The following MERTK variants were observed in gnomAD, a reference collection of about 807,000 sequenced individuals.
The protein encoded by MERTK is tyrosine-protein kinase Mer.
Under a neutral mutation model 99.3 loss-of-function variants are expected in MERTK, and 69 were observed. The ratio of observed to expected loss-of-function variants is 0.70; its 90% CI spans 0.57 to 0.85. MERTK has a LOEUF of 0.85. MERTK is among the 40% of genes least tolerant of loss of function. MERTK has a pLI of 0.00. For missense variants in MERTK, 1,125 were observed against 1,249.4 expected, an observed-to-expected ratio of 0.90 and a Z score of 1.50; for synonymous variants, 426 against 467.6, an observed-to-expected ratio of 0.91 and a Z score of 1.15.
chr2:111,904,439 C>T lies in MERTK; in HGVS notation c.61+5643C>T, dbSNP rs552942378. 2.2e-3 allele frequency among the ~76,000 whole-genome samples: 336 copies of T among 150,610 alleles called. 3 individuals carry two copies. The highest frequency in any genetic ancestry group is 7.6e-3 in the African/African-American group (310 of 40,994). On this transcript the variant is annotated intron_variant, in intron 1 of 18. Transcript: ENST00000295408. ...CGCCCAGGCTGGAGTGCATGTGGCG[C>T]GATCTCGGCTCACTGCAACCTCCGC...
chr2:112,019,962 C>G (rs971231525), intron 16 of MERTK, among the ~76,000 whole-genome samples: 8 of 152,256 alleles, frequency 5.3e-5, no homozygotes, highest in Middle Eastern at 3.2e-3. Context: ...CCTTTCACAG[C>G]AGACAATGGC....
rs567146456 is a variant in MERTK, at chr2:111,922,338, G to A, written c.62-6782G>A. ...TCACCAAGCTTCAAGAAAATCAAAG[G>A]AGCTCATGTTAGGAAAGGCTGGTGG... On this transcript the variant is annotated intron_variant, in intron 1 of 18. Transcript: ENST00000295408. Among the ~76,000 whole-genome samples, 38 of 152,344 alleles carry A rather than the reference G, an allele frequency of 2.5e-4. 2 individuals carry two copies. Among genetic ancestry groups the A allele is most frequent in the African/African-American group, 9.1e-4 (38 of 41,578 alleles).
chr2:111,969,337 G>A (rs1290170372), intron 6 of MERTK, among the ~76,000 whole-genome samples: 7 of 152,138 alleles, frequency 4.6e-5, no homozygotes, highest in South Asian at 2.1e-4. Context: ...CAGCTCTTCC[G>A]TCTCAGGAGG....
At position 112,028,581 on chromosome 2, in the gene MERTK, G is replaced by T; in HGVS notation, c.2717G>T (p.Cys906Phe). 1 of 1,614,138 alleles carries T rather than the reference G, an allele frequency of 6.2e-7. No homozygotes were observed. The highest frequency in any genetic ancestry group is 8.5e-7 in the Non-Finnish European group (1 of 1,180,018). ...NIDPDSIIAS[C>F]TPRAAISVVT... ...GACCCTGACTCTATAATTGCCTCCT[G>T]CACTCCCCGCGCTGCCATCAGTGTG... Residue 906 changes from cysteine (C) to phenylalanine (F), a missense_variant, in exon 19 of 19, where the codon TGC becomes TTC. Physicochemically the swap from Cys to Phe is radical, Grantham distance 205. Coordinates refer to ENST00000295408, the MANE Select transcript of MERTK (RefSeq NM_006343.3).
At chr2:111,946,779 A>C (rs998015367) in intron 3 of MERTK, among the ~76,000 whole-genome samples, 4 of 152,228 alleles carry the variant, frequency 2.6e-5, no homozygotes, top group Admixed American at 1.3e-4. Flanking sequence ...AGTTTGAGCA[A>C]CACCTGATGT....
At chr2:112,009,142 T>A (rs1308120375) in intron 14 of MERTK, among the ~76,000 whole-genome samples, 4 of 152,250 alleles carry the variant, frequency 2.6e-5, no homozygotes, top group Non-Finnish European at 5.9e-5. Flanking sequence ...ATCCTGTGAC[T>A]GCATACATGC....
At chr2:111,997,575 C>A in intron 10 of MERTK, 99 bp downstream of exon 10, 1 of 1,394,992 alleles carries the variant, frequency 7.2e-7, no homozygotes, top group Non-Finnish European at 1.0e-6. Context: ...TTACATTGCT[C>A]CCAGATGGCT....
intron 18 of MERTK, 91 bp from the exon 19 acceptor site, chr2:112,028,260 T>C: frequency 7.4e-7 from 1 of 1,355,900 alleles, no homozygotes; most frequent in Non-Finnish European, 1.0e-6. Flanking sequence ...CTGATTAAAA[T>C]GTGATAAAGA....
chr2:111,975,355 C>T lies in MERTK; in HGVS notation c.1027C>T (p.Leu343=), dbSNP rs1676225971. The part of the protein sequence containing the change: ...MIFNTSALPH[L]YQIKQLQALA... ...TTTTAACACCTCTGCCTTACCACAT[C>T]TGTACCAAATCAAGCAGCTGCAAGC... The change falls in exon 7 of 19, where the codon CTG becomes TTG. Residue 343 remains leucine (L), a synonymous_variant. Transcript: ENST00000295408. 1 of 1,614,210 alleles carries T rather than the reference C, an allele frequency of 6.2e-7. No individual in the cohort carries two copies. The highest frequency in any genetic ancestry group is 8.5e-7 in the Non-Finnish European group (1 of 1,180,024).
chr2:111,974,812 G>C (rs377065707), intron 6 of MERTK, among the ~76,000 whole-genome samples: 1 of 114,492 alleles, frequency 8.7e-6, no homozygotes, highest in African/African-American at 3.0e-5. Context: ...GAAAAGAAAA[G>C]AAAAAGAAAG....
At chr2:111,992,579 C>T (rs569835215) in intron 8 of MERTK, among the ~76,000 whole-genome samples, 18 of 151,910 alleles carry the variant, frequency 1.2e-4, no homozygotes, top group Non-Finnish European at 1.9e-4. Context: ...GGTGAAACCC[C>T]GTCTCTACTG....
At chr2:111,919,345 A>G (rs1313472982) in intron 1 of MERTK, among the ~76,000 whole-genome samples, 2 of 145,744 alleles carry the variant, frequency 1.4e-5, no homozygotes, top group Non-Finnish European at 3.0e-5. Context: ...CATTAGAATC[A>G]TAAGAGGAGA....
At chr2:111,937,377 C>T (rs1265044461) in intron 2 of MERTK, among the ~76,000 whole-genome samples, 1 of 152,002 alleles carries the variant, frequency 6.6e-6, no homozygotes, top group African/African-American at 2.4e-5. Flanking sequence ...GCTTGAGCCT[C>T]GGAGTTTGAA....
intron 6 of MERTK, among the ~76,000 whole-genome samples, 168 bp from the exon 7 acceptor site, chr2:111,975,121 G>A (rs1573613296): frequency 6.6e-6 from 1 of 152,204 alleles, no homozygotes. Flanking sequence ...GAGGGCATGA[G>A]TAACACACAG....
chr2:112,008,504 G>A lies in MERTK; in HGVS notation c.1960+29G>A, dbSNP rs1169823968. On this transcript the variant is annotated intron_variant, in intron 14 of 18. Coordinates refer to ENST00000295408, the MANE Select transcript of MERTK (RefSeq NM_006343.3). Reference sequence around the variant, plus strand: ...CTTCCGAGAAATGCAGGAGTGGGTGGCCAAGAGGGCTCTGCTGATCTGCTC... The same window carrying A: ...CTTCCGAGAAATGCAGGAGTGGGTGACCAAGAGGGCTCTGCTGATCTGCTC... The A allele has an allele frequency of 3.9e-6, 6 of 1,538,212 alleles. No homozygotes were observed. The East Asian group carries it at 1.3e-4, about 35-fold the overall frequency.
intron 7 of MERTK, among the ~76,000 whole-genome samples, chr2:111,976,116 C>T (rs1676241529): frequency 2.0e-5 from 3 of 152,170 alleles, no homozygotes; most frequent in Admixed American, 1.3e-4. Context: ...AAGGATATTA[C>T]AAAGGATACA....
At chr2:111,973,022 C>T (rs1372803061) in intron 6 of MERTK, among the ~76,000 whole-genome samples, 1 of 152,298 alleles carries the variant, frequency 6.6e-6, no homozygotes, top group Admixed American at 6.5e-5. Context: ...CTCTCACTTC[C>T]TTTGGTCCTG....
rs958795280 is a variant in MERTK at position 111,996,203 on chromosome 2, T to C, written c.1451-1120T>C. On this transcript the variant is annotated intron_variant, in intron 9 of 18. Transcript: ENST00000295408. Reference sequence around the variant, plus strand: ...TATGCACAAATTTCAATTACCACAGTTAAATAACACCCATTCCCCAAAAAT... The same window carrying C: ...TATGCACAAATTTCAATTACCACAGCTAAATAACACCCATTCCCCAAAAAT... 1.4e-4 allele frequency: 13 copies of C among 93,364 alleles called. 1 individual carries two copies. The highest frequency in any genetic ancestry group is 1.1e-3 in the Middle Eastern group (2 of 1,778). 5.8% of individuals were successfully genotyped at this position (93,364 alleles called of 1,614,324 possible).
chr2:111,955,547 A>G (rs1685132797), intron 4 of MERTK, among the ~76,000 whole-genome samples: 1 of 152,170 alleles, frequency 6.6e-6, no homozygotes, highest in African/African-American at 2.4e-5. Flanking sequence ...CTATACACTC[A>G]TTCTTCCCCC....
Sources: allele counts gnomAD v4.1 joint callset (sites outside exome capture counted in the v4.1 genomes callset), GRCh38; gene constraint gnomAD v4.1.1; transcripts MANE v1.5; gene names NCBI Gene and HGNC (gene_info 2026-07-23, HGNC 2026-07-21).